Variants in FBXO31 observed in about 807,000 individuals in gnomAD.
FBXO31 encodes the protein F-box only protein 31.
Under a neutral mutation model 54.4 loss-of-function variants are expected in FBXO31, and 24 were observed. That is an observed-to-expected ratio of 0.44 (90% CI 0.32 to 0.62). FBXO31 has a LOEUF of 0.62. Ranked by LOEUF, FBXO31 falls within the 20% of genes least tolerant of loss-of-function variation. The pLI, the probability that FBXO31 is intolerant of heterozygous loss-of-function variation, is 0.05. For synonymous variants in FBXO31, 388 were observed against 335.6 expected, an observed-to-expected ratio of 1.16 and a Z score of -1.71; for missense variants, 665 against 787.1, an observed-to-expected ratio of 0.84 and a Z score of 1.86.
intron 1 of FBXO31, among the ~76,000 whole-genome samples, chr16:87,368,510 C>T (rs1013873054): frequency 6.6e-6 from 1 of 152,228 alleles, no homozygotes; most frequent in African/African-American, 2.4e-5. Context: ...TCCAACCCAA[C>T]TCCAGACGGC....
At chr16:87,385,372 G>T (rs567620394), upstream of FBXO31, among the ~76,000 whole-genome samples, 1 of 151,766 alleles carries the variant, frequency 6.6e-6, no homozygotes, top group Admixed American at 6.6e-5. Context: ...GCAGGAGAAT[G>T]GTGTGAACCC....
At chr16:87,344,179 G>C (rs1239136321) in intron 3 of FBXO31, among the ~76,000 whole-genome samples, 2 of 152,268 alleles carry the variant, frequency 1.3e-5, no homozygotes, top group Non-Finnish European at 1.5e-5. Context: ...TGCCACTTTT[G>C]TCAGGTGTGG....
chr16:87,328,854 G>C lies in FBXO31; in HGVS notation c.*2434C>G, dbSNP rs567877416. 2.0e-5 allele frequency: 3 copies of C among 152,400 alleles called. No individual in the cohort carries two copies. The highest frequency in any genetic ancestry group is 2.9e-5 in the Non-Finnish European group (2 of 68,092). The allele number at this position is 152,400 out of a possible 1,614,324, so 9.4% of individuals were successfully genotyped here. A position where few individuals can be genotyped will look rare whatever the true frequency, so the allele number is the denominator to read the frequency against. ...CCAATCAAGCCTAATGCGCTTGGCT[G>C]TCCTGAACTGGGTTACTCAGCCTCC... On this transcript the variant is annotated 3_prime_UTR_variant, in exon 9 of 9. Coordinates refer to ENST00000311635, the MANE Select transcript of FBXO31 (RefSeq NM_024735.5).
chr16:87,342,198 T>C (rs1007379696), intron 5 of FBXO31, among the ~76,000 whole-genome samples: 1 of 152,164 alleles, frequency 6.6e-6, no homozygotes, highest in Non-Finnish European at 1.5e-5. Flanking sequence ...CCTGAGTAGC[T>C]GGCATGCCAC....
intron 2 of FBXO31, among the ~76,000 whole-genome samples, chr16:87,350,038 T>A (rs2150679001): frequency 6.6e-6 from 1 of 152,308 alleles, no homozygotes; most frequent in African/African-American, 2.4e-5. Flanking sequence ...AGTCCACATG[T>A]TGGCGAACAT....
intron 5 of FBXO31, among the ~76,000 whole-genome samples, chr16:87,342,250 T>C (rs984502348): frequency 6.6e-6 from 1 of 152,106 alleles, no homozygotes; most frequent in African/African-American, 2.4e-5. Context: ...AGACAGGGTC[T>C]CACTATGTTG....
intron 1 of FBXO31, among the ~76,000 whole-genome samples, chr16:87,382,699 GT>G (rs1297332003): frequency 6.6e-6 from 1 of 152,126 alleles, no homozygotes; most frequent in Non-Finnish European, 1.5e-5. Context: ...TGGCCCAGAT[GT>G]TGGCTCAGTG....
At chr16:87,359,842 G>A (rs1309643022) in intron 2 of FBXO31, among the ~76,000 whole-genome samples, 1 of 152,174 alleles carries the variant, frequency 6.6e-6, no homozygotes, top group Non-Finnish European at 1.5e-5. Flanking sequence ...GGGCTGGGGG[G>A]CTCAGCCTGC....
chr16:87,333,906 G>T lies in FBXO31; in HGVS notation c.1377C>A (p.Tyr459Ter). The T allele has an allele frequency of 6.2e-7, 1 of 1,607,742 alleles. No homozygotes were observed. The highest frequency in any genetic ancestry group is 8.5e-7 in the Non-Finnish European group (1 of 1,176,582). The change falls in exon 8 of 9, where the codon TAC becomes TAA. Residue 459 changes from tyrosine (Y) to a stop codon, truncating the protein, a stop_gained. Coordinates refer to ENST00000311635, the MANE Select transcript of FBXO31 (RefSeq NM_024735.5). LOFTEE classifies it high-confidence loss of function. Reference protein sequence around the residue: ...PVGVSSRNEDYPRTCRMCFYG... With the variant: ...PVGVSSRNED ...CTTACCACATCCTGCAGGTTCGGGG[G>T]TAGTCCTCATTCCTGGAGCTCACGC... is the stretch of plus-strand genomic sequence containing the variant.
chr16:87,362,390 A>AT (rs980399285), intron 1 of FBXO31: 1 of 151,754 alleles, frequency 6.6e-6, no homozygotes, highest in African/African-American at 2.4e-5. Flanking sequence ...ACATACATAC[A>AT]TTTATTTATT....
In FBXO31 at chr16:87,348,613, G is replaced by A. The variant is rs572703088; in HGVS notation, c.413-1363C>T. Among the ~76,000 whole-genome samples, 7 of 152,242 alleles carry A rather than the reference G, an allele frequency of 4.6e-5. No homozygotes were observed. In the East Asian group the frequency reaches 9.7e-4, roughly 21 times the overall value. ...TGCTTTGTGGACACCTCCCCATCAC[G>A]GTCACCAAAGGGCAGAGGCAGCCGG... On this transcript the variant is annotated intron_variant, in intron 2 of 8. Transcript: ENST00000311635.
chr16:87,392,097 G>A (rs1005459637), upstream of FBXO31: 18 of 255,286 alleles, frequency 7.1e-5, no homozygotes, highest in African/African-American at 2.7e-4. Flanking sequence ...GGGGCCTCAG[G>A]CGCCCAGCGG....
At chr16:87,353,631 G>C (rs568308466) in intron 2 of FBXO31, among the ~76,000 whole-genome samples, 59 of 152,264 alleles carry the variant, frequency 3.9e-4, no homozygotes, top group Middle Eastern at 3.4e-3. Flanking sequence ...TTCGGAGGCA[G>C]CAGGGCCCCG....
rs377333086 is a variant in FBXO31 at position 87,342,718 on chromosome 16, G to A, written c.732+159C>T. On this transcript the variant is annotated intron_variant, in intron 5 of 8. Transcript: ENST00000311635. ...CACGATGCTGTTCCTCGAGTGTGCC[G>A]GATGCACGGTCTGCACTGACAATAC... Among the ~76,000 whole-genome samples, 6 of 152,318 alleles carry A rather than the reference G, an allele frequency of 3.9e-5. No individual in the cohort carries two copies. The East Asian group carries it at 5.8e-4, about 15-fold the overall frequency.
At chr16:87,378,010 T>C (rs1180281072) in intron 1 of FBXO31, among the ~76,000 whole-genome samples, 1 of 151,550 alleles carries the variant, frequency 6.6e-6, no homozygotes, top group African/African-American at 2.4e-5. Flanking sequence ...ATACAAAAAA[T>C]TAGCCAAGCA....
intron 1 of FBXO31, among the ~76,000 whole-genome samples, chr16:87,368,637 T>C (rs1416081664): frequency 2.6e-5 from 4 of 151,958 alleles, no homozygotes; most frequent in Non-Finnish European, 5.9e-5. Context: ...TTTTTTTTTT[T>C]TTTTGCCTTT....
At chr16:87,382,577 T>C (rs748912546) in intron 1 of FBXO31, among the ~76,000 whole-genome samples, 3 of 152,216 alleles carry the variant, frequency 2.0e-5, no homozygotes, top group Non-Finnish European at 4.4e-5. Flanking sequence ...TCCGTCTCTC[T>C]ACGCCCCCAC....
chr16:87,366,569 G>A (rs1256661242), intron 1 of FBXO31, among the ~76,000 whole-genome samples: 1 of 152,198 alleles, frequency 6.6e-6, no homozygotes, highest in Non-Finnish European at 1.5e-5. Flanking sequence ...GCAAAGGGAG[G>A]CATGCAGGGG....
upstream of FBXO31, chr16:87,388,658 C>T (rs570529853): frequency 1.3e-5 from 2 of 152,362 alleles, no homozygotes; most frequent in South Asian, 2.1e-4. Context: ...TTCTTACACA[C>T]AGCTAGACAG....
Sources: allele counts gnomAD v4.1 joint callset (sites outside exome capture counted in the v4.1 genomes callset), GRCh38; gene constraint gnomAD v4.1.1; transcripts MANE v1.5; gene names NCBI Gene and HGNC (gene_info 2026-07-23, HGNC 2026-07-21).